RIPOR2: variants seen among roughly 807,000 people sequenced by gnomAD.
The protein encoded by RIPOR2 is RHO family interacting cell polarization regulator 2, also known as rho family-interacting cell polarization regulator 2.
Under a neutral mutation model 114.5 loss-of-function variants are expected in RIPOR2, and 39 were observed. That is an observed-to-expected ratio of 0.34 (90% confidence interval 0.26 to 0.44). The LOEUF (loss-of-function observed/expected upper bound fraction) is 0.44, where lower values mean the gene tolerates loss of function less well. RIPOR2 is among the 20% of genes least tolerant of loss of function. RIPOR2 has a pLI of 1.00. For synonymous variants in RIPOR2, 445 were observed against 484.4 expected (o/e 0.92, Z 1.07); for missense variants, 1,007 against 1,255.1 (o/e 0.80, Z 2.99).
intron 1 of RIPOR2, among the ~76,000 whole-genome samples, chr6:25,033,824 T>C (rs187244804): frequency 4.1e-4 from 63 of 152,338 alleles, no homozygotes; most frequent in Middle Eastern, 3.4e-3. Flanking sequence ...AAAACAAATC[T>C]GCTAAACAGA....
upstream of RIPOR2, among the ~76,000 whole-genome samples, chr6:24,936,737 C>T (rs564404552): frequency 6.6e-5 from 10 of 152,290 alleles, no homozygotes; most frequent in South Asian, 2.1e-3. Flanking sequence ...AGCTACCCAA[C>T]GTGTGCCAAA....
chr6:24,912,886 G>A (rs1385625464), intron 1 of RIPOR2, among the ~76,000 whole-genome samples: 8 of 152,148 alleles, frequency 5.3e-5, no homozygotes, highest in Admixed American at 5.2e-4. Flanking sequence ...ATGATGTTAG[G>A]TACTTTATAG....
intron 1 of RIPOR2, among the ~76,000 whole-genome samples, chr6:24,882,644 C>T (rs757176242): frequency 6.0e-4 from 91 of 152,192 alleles, no homozygotes; most frequent in Non-Finnish European, 6.2e-4. Flanking sequence ...CCGTTTGTAT[C>T]ATCCAAAGAC....
rs150042222 is a variant in RIPOR2, at chr6:24,846,510, T to A, written c.1164+1515A>T. Among the ~76,000 whole-genome samples the A allele has an allele frequency of 2.6e-3, 393 of 152,214 alleles. 2 individuals carry two copies. The highest frequency in any genetic ancestry group is 5.0e-3 in the Admixed American group (76 of 15,280). On this transcript the variant is annotated intron_variant, in intron 12 of 21. Transcript: ENST00000643898. ...TTGTAGAGACGGGGTCTCACTTTGT[T>A]GCCCAGGCTGGTCTTGAACTCCTGG...
At chr6:25,023,758 CG>C in intron 1 of RIPOR2, 1 of 801,148 alleles carries the variant, frequency 1.2e-6, no homozygotes, top group Non-Finnish European at 2.2e-6. Context: ...CCAAGGAGGT[CG>C]GGTGGGTGGA....
At chr6:24,853,892 G>C (rs1286636021) in intron 8 of RIPOR2, among the ~76,000 whole-genome samples, 1 of 152,124 alleles carries the variant, frequency 6.6e-6, no homozygotes, top group Non-Finnish European at 1.5e-5. Context: ...AAGGCAGGAG[G>C]ATGACTTGAG....
intron 12 of RIPOR2, among the ~76,000 whole-genome samples, 190 bp from the exon 13 acceptor site, chr6:24,843,744 T>C (rs1761983228): frequency 7.0e-6 from 1 of 141,888 alleles, no homozygotes; most frequent in Non-Finnish European, 1.6e-5. Context: ...TGTGTGTGTG[T>C]ATCTGGCAAA....
upstream of RIPOR2, among the ~76,000 whole-genome samples, chr6:24,936,922 A>G (rs1277342399): frequency 1.3e-5 from 2 of 152,172 alleles, no homozygotes; most frequent in African/African-American, 2.4e-5. Flanking sequence ...TATTTTTGGC[A>G]CTTTATTTAC....
At chr6:24,922,765 G>A (rs1477629564) in intron 1 of RIPOR2, among the ~76,000 whole-genome samples, 4 of 149,396 alleles carry the variant, frequency 2.7e-5, no homozygotes, top group Non-Finnish European at 5.9e-5. Flanking sequence ...GGAGGCTGAG[G>A]CACAAGAATT....
intron 1 of RIPOR2, among the ~76,000 whole-genome samples, chr6:25,033,351 A>G (rs1777090741): frequency 6.6e-6 from 1 of 152,198 alleles, no homozygotes; most frequent in South Asian, 2.1e-4. Context: ...AAGCCCCTCC[A>G]AGGCAGCTCC....
chr6:24,995,541 T>C (rs1775007835), intron 1 of RIPOR2, among the ~76,000 whole-genome samples: 1 of 152,178 alleles, frequency 6.6e-6, no homozygotes, highest in Non-Finnish European at 1.5e-5. Flanking sequence ...CTAGATTCTG[T>C]GCCGTAGGAG....
rs933623645 is a variant in RIPOR2, at chr6:24,984,184, C to T, written c.76+57667G>A. 9.2e-5 allele frequency among the ~76,000 whole-genome samples: 14 copies of T among 152,312 alleles called. No individual in the cohort carries two copies. The Middle Eastern group carries it at 0.014, about 148-fold the overall frequency. ...CTTCTACATTTTGTTTGTTGTCTCACGCGTCCGTGTGAAGAGACCACCAAA... is the reference window on the plus strand; with the variant it reads ...CTTCTACATTTTGTTTGTTGTCTCATGCGTCCGTGTGAAGAGACCACCAAA... On this transcript the variant is annotated intron_variant, in intron 1 of 13. Transcript: ENST00000510784.
chr6:24,957,006 T>C (rs1433612016), intron 1 of RIPOR2, among the ~76,000 whole-genome samples: 3 of 152,252 alleles, frequency 2.0e-5, no homozygotes, highest in Non-Finnish European at 2.9e-5. Flanking sequence ...GTTATCTTTG[T>C]TTCTGCCTCT....
intron 2 of RIPOR2, among the ~76,000 whole-genome samples, chr6:24,874,767 C>T (rs193259994): frequency 6.0e-4 from 91 of 152,234 alleles, no homozygotes; most frequent in African/African-American, 2.0e-3. Context: ...AAATTCTTTT[C>T]GATAAGGGAC....
intron 1 of RIPOR2, among the ~76,000 whole-genome samples, chr6:24,920,726 A>G (rs1199987623): frequency 6.6e-6 from 1 of 152,222 alleles, no homozygotes; most frequent in Non-Finnish European, 1.5e-5. Flanking sequence ...CTATAAACTT[A>G]ACTGTCCAAA....
Position 25,037,547 on chromosome 6 carries a change from A to G in RIPOR2, c.76+4304T>C, listed in dbSNP as rs1375004102. 6.6e-6 allele frequency among the ~76,000 whole-genome samples: 1 copy of G among 152,184 alleles called. No individual in the cohort carries two copies. The highest frequency in any genetic ancestry group is 1.5e-5 in the Non-Finnish European group (1 of 68,034). The stretch of plus-strand genomic sequence containing the variant: ...CTCCCGAATGTCTGCTCAGTATCAC[A>G]CATGTGTGTCTTTGTAGTGACCTTT... On this transcript the variant is annotated intron_variant, in intron 1 of 13. Transcript: ENST00000510784. This position sits in a 1 kb window ranked among gnomAD's most constrained non-coding sequence, Gnocchi z 4.5.
chr6:24,882,532 A>G (rs1766447194), intron 1 of RIPOR2, among the ~76,000 whole-genome samples: 1 of 152,258 alleles, frequency 6.6e-6, no homozygotes, highest in African/African-American at 2.4e-5. Flanking sequence ...ATGATTCAGT[A>G]CATTATTTTT....
At chr6:24,935,723 TG>T in intron 1 of RIPOR2, 114 bp downstream of exon 1, 1 of 724,402 alleles carries the variant, frequency 1.4e-6, no homozygotes, top group Non-Finnish European at 2.3e-6. Flanking sequence ...CAGGATGCTT[TG>T]TTTTTATCAT....
intron 1 of RIPOR2, among the ~76,000 whole-genome samples, chr6:24,908,023 T>C (rs1769169472): frequency 1.3e-5 from 2 of 149,894 alleles, no homozygotes; most frequent in Non-Finnish European, 3.0e-5. Flanking sequence ...TCAGCTGTTA[T>C]TCTTTTCTGG....
Sources: allele counts gnomAD v4.1 joint callset (sites outside exome capture counted in the v4.1 genomes callset), GRCh38; gene constraint gnomAD v4.1.1; non-coding constraint Gnocchi (gnomAD v3.1); transcripts MANE v1.5; gene names NCBI Gene and HGNC (gene_info 2026-07-23, HGNC 2026-07-21).